The following YTHDF3 variants were observed in gnomAD, a reference collection of about 807,000 sequenced individuals.
The protein encoded by YTHDF3 is YTH N6-methyladenosine RNA binding protein F3.
A neutral mutation model predicts 52.5 loss-of-function variants in YTHDF3; 9 were observed. The observed-to-expected ratio is 0.17, with a 90% CI of 0.10 to 0.30. YTHDF3 has a LOEUF of 0.30. Ranked by LOEUF, YTHDF3 falls within the 10% of genes least tolerant of loss-of-function variation. The pLI, the probability that YTHDF3 is intolerant of heterozygous loss-of-function variation, is 1.00. For missense variants in YTHDF3, 534 were observed against 715.0 expected, an observed-to-expected ratio of 0.75 and a Z score of 2.89; for synonymous variants, 274 against 243.3, an observed-to-expected ratio of 1.13 and a Z score of -1.18.
chr8:63,170,670 AT>A (rs1456114953), intron 2 of YTHDF3, among the ~76,000 whole-genome samples: 2 of 152,156 alleles, frequency 1.3e-5, no homozygotes, highest in African/African-American at 2.4e-5. Context: ...TAGTCTACCC[AT>A]TAGGAACTAT....
chr8:63,179,793 G>A (rs558198122), intron 3 of YTHDF3, among the ~76,000 whole-genome samples: 59 of 152,184 alleles, frequency 3.9e-4, no homozygotes, highest in African/African-American at 1.3e-3. Context: ...CAGTAGGGGC[G>A]GCCGGGCAGA....
At chr8:63,176,268 G>T (rs1361087551) in intron 3 of YTHDF3, among the ~76,000 whole-genome samples, 1 of 152,138 alleles carries the variant, frequency 6.6e-6, no homozygotes, top group Non-Finnish European at 1.5e-5. Flanking sequence ...CTTAAAATTA[G>T]TTCTGTAGTT....
intron 4 of YTHDF3, among the ~76,000 whole-genome samples, chr8:63,195,014 T>G (rs1247299087): frequency 1.3e-5 from 2 of 152,204 alleles, no homozygotes; most frequent in Non-Finnish European, 2.9e-5. Context: ...TATTTTTTAT[T>G]GACTGATTAT....
chr8:63,172,629 A>G (rs1807404867), intron 2 of YTHDF3: 3 of 428,636 alleles, frequency 7.0e-6, no homozygotes, highest in Non-Finnish European at 7.9e-6. Context: ...TAGCGGGTAT[A>G]TGGTATTGTC....
rs878961444 is a variant in YTHDF3, at chr8:63,187,595, G to A, written c.1584G>A (p.Pro528=). The stretch of plus-strand genomic sequence containing the variant: ...GCTTAGAAAATAATGACAACAAACC[G>A]GTTACCAATTCAAGGGACACTCAAG... ...HIRLENNDNK[P]VTNSRDTQEV... is the part of the protein sequence containing the mutation. The change falls in exon 4 of 5, where the codon CCG becomes CCA. Residue 528 remains proline (P), a synonymous_variant. Coordinates refer to ENST00000539294, the MANE Select transcript of YTHDF3 (RefSeq NM_152758.6). The A allele has an allele frequency of 4.3e-6, 7 of 1,613,178 alleles. No individual in the cohort carries two copies. The highest frequency in any genetic ancestry group is 2.2e-5 in the East Asian group (1 of 44,854).
intron 4 of YTHDF3, among the ~76,000 whole-genome samples, chr8:63,200,237 A>G (rs997160826): frequency 1.3e-5 from 2 of 152,120 alleles, no homozygotes; most frequent in Admixed American, 6.5e-5. Context: ...TCCTTGCCAC[A>G]TGGGACTTTC....
chr8:63,194,587 C>A (rs1452935884), intron 4 of YTHDF3, among the ~76,000 whole-genome samples: 1 of 152,170 alleles, frequency 6.6e-6, no homozygotes, highest in African/African-American at 2.4e-5. Context: ...TATTAACATG[C>A]TTCCCCATCT....
upstream of YTHDF3, chr8:63,168,580 A>C: frequency 1.8e-6 from 1 of 542,258 alleles, no homozygotes; most frequent in Non-Finnish European, 3.3e-6. Context: ...CGCGGACGTC[A>C]GAGTGGAGAG....
intron 4 of YTHDF3, among the ~76,000 whole-genome samples, chr8:63,202,660 G>A (rs1435571493): frequency 1.5e-4 from 23 of 151,952 alleles, no homozygotes; most frequent in Non-Finnish European, 1.2e-4. Context: ...ACGGGGTTTT[G>A]ACATGTTTGT....
At chr8:63,193,331 G>GCAC (rs1360404775) in intron 4 of YTHDF3, among the ~76,000 whole-genome samples, 1 of 133,910 alleles carries the variant, frequency 7.5e-6, no homozygotes, top group African/African-American at 2.9e-5. Flanking sequence ...AGCCAGGATT[G>GCAC]CACCACTCCA....
intron 4 of YTHDF3, among the ~76,000 whole-genome samples, chr8:63,190,968 A>T (rs1034799291): frequency 6.6e-6 from 1 of 152,212 alleles, no homozygotes. Flanking sequence ...AAGCCTTTAG[A>T]TCCATAAAAT....
Position 63,175,387 on chromosome 8 carries a change from G to A in YTHDF3, c.106G>A (p.Glu36Lys), listed in dbSNP as rs1432224671. Residue 36 changes from glutamate to lysine, a missense_variant, in exon 3 of 5, where the codon GAG becomes AAG. Coordinates refer to ENST00000539294, the MANE Select transcript of YTHDF3 (RefSeq NM_152758.6). The part of the protein sequence containing the change: ...QKDAVNDDDF[E>K]PYLSSQTNQS... ...AGATGCTGTAAATGATGATGATTTT[G>A]AGCCATACTTAAGTAGCCAGACAAA... The A allele has an allele frequency of 6.2e-7, 1 of 1,611,912 alleles. No individual in the cohort carries two copies. Among genetic ancestry groups the A allele is most frequent in the South Asian group, 1.1e-5 (1 of 90,712 alleles).
chr8:63,190,020 C>G (rs1808814398), intron 4 of YTHDF3, among the ~76,000 whole-genome samples: 1 of 152,144 alleles, frequency 6.6e-6, no homozygotes, highest in Non-Finnish European at 1.5e-5. Context: ...ACTGCCATTA[C>G]AAGTAGCGCA....
intron 4 of YTHDF3, among the ~76,000 whole-genome samples, chr8:63,192,816 C>CTTT (rs35989091): frequency 1.5e-5 from 2 of 136,650 alleles, no homozygotes; most frequent in African/African-American, 2.6e-5. Context: ...CTACTTATGC[C>CTTT]TTTTTTTTTT....
Position 63,186,891 on chromosome 8 carries a change from G to A in YTHDF3, c.880G>A (p.Val294Ile). 1 of 1,613,964 alleles carries A rather than the reference G, an allele frequency of 6.2e-7. No homozygotes were observed. Among genetic ancestry groups the A allele is most frequent in the Non-Finnish European group, 8.5e-7 (1 of 1,179,886 alleles). ...SVVKAPPTQP[V>I]LPPQTIIQQP... ...GGTAAAGGCTCCACCAACCCAACCA[G>A]TTCTGCCTCCTCAAACTATAATCCA... Residue 294 changes from valine to isoleucine, a missense_variant, in exon 4 of 5, where the codon GTT (valine) becomes ATT (isoleucine). This residue lies in a region of YTHDF3 where 203 missense variants were observed against 201.3 expected (regional missense o/e 1.01). Transcript: ENST00000539294.
At chr8:63,170,206 T>G (rs1441138584) in intron 2 of YTHDF3, among the ~76,000 whole-genome samples, 2 of 152,140 alleles carry the variant, frequency 1.3e-5, no homozygotes, top group African/African-American at 4.8e-5. Context: ...CAGAGCAAAT[T>G]ATATATAACA....
At chr8:63,197,001 A>T (rs1046116561) in intron 4 of YTHDF3, among the ~76,000 whole-genome samples, 2 of 152,222 alleles carry the variant, frequency 1.3e-5, no homozygotes, top group Admixed American at 1.3e-4. Flanking sequence ...ATAGAGGATC[A>T]GAACTTTTGG....
chr8:63,193,103 G>A (rs1300691113), intron 4 of YTHDF3, among the ~76,000 whole-genome samples: 2 of 152,078 alleles, frequency 1.3e-5, no homozygotes, highest in African/African-American at 4.8e-5. Context: ...GCTGGGCATG[G>A]TGGCTCACAT....
intron 4 of YTHDF3, among the ~76,000 whole-genome samples, chr8:63,209,028 C>T (rs1169353618): frequency 6.6e-6 from 1 of 152,058 alleles, no homozygotes; most frequent in Non-Finnish European, 1.5e-5. Flanking sequence ...CCACCACGCC[C>T]AGCTAATTTT....
Sources: gnomAD v4.1 joint callset for allele counts (sites outside exome capture counted in the v4.1 genomes callset) on GRCh38, gnomAD v4.1.1 for gene constraint, gnomAD v4.1.1 regional missense constraint, MANE v1.5 for transcripts, NCBI Gene and HGNC (gene_info 2026-07-23, HGNC 2026-07-21) for gene names.